The following RBFOX1 variants were observed in gnomAD, a reference collection of about 807,000 sequenced individuals.
RBFOX1 encodes RNA binding fox-1 homolog 1, also known as RNA binding protein fox-1 homolog 1.
A neutral mutation model predicts 57.7 loss-of-function variants in RBFOX1; 8 were observed. The ratio of observed to expected loss-of-function variants is 0.14; its 90% CI spans 0.08 to 0.25. The LOEUF is 0.25. RBFOX1 is among the 10% of genes least tolerant of loss of function. The pLI is 1.00. For synonymous variants in RBFOX1, 326 were observed against 222.4 expected, an observed-to-expected ratio of 1.47 and a Z score of -4.15; for missense variants, 611 against 548.5, an observed-to-expected ratio of 1.11 and a Z score of -1.14.
At chr16:6,812,460 A>T (rs910100792) in intron 3 of RBFOX1, among the ~76,000 whole-genome samples, 3 of 151,842 alleles carry the variant, frequency 2.0e-5, no homozygotes, top group Admixed American at 1.3e-4. Context: ...TGCAACCTCC[A>T]CCTCTAGGGT....
intron 11 of RBFOX1, among the ~76,000 whole-genome samples, chr16:7,651,628 G>A (rs985594007): frequency 2.8e-4 from 42 of 152,212 alleles, no homozygotes; most frequent in Non-Finnish European, 2.9e-5. Context: ...GGGAAGGGAA[G>A]AAGCTCTTCT....
chr16:6,131,831 A>G (rs112121133), intron 1 of RBFOX1, among the ~76,000 whole-genome samples: 5,693 of 152,222 alleles, frequency 0.037, 159 homozygotes, highest in Non-Finnish European at 0.051. Context: ...TGGTGGTAAC[A>G]CATTCTCCTG....
chr16:5,746,970 C>T (rs1461841325), intron 3 of RBFOX1, among the ~76,000 whole-genome samples: 9 of 152,204 alleles, frequency 5.9e-5, no homozygotes, highest in African/African-American at 2.2e-4. Context: ...GAACTTCCAA[C>T]ACTATGTTGA....
chr16:7,314,333 G>C (rs1168304226), intron 4 of RBFOX1, among the ~76,000 whole-genome samples: 1 of 152,122 alleles, frequency 6.6e-6, no homozygotes, highest in Non-Finnish European at 1.5e-5. Context: ...TGTTCATAAC[G>C]GAATTTCAGG....
At chr16:5,520,208 G>A (rs2043959869) in intron 2 of RBFOX1, among the ~76,000 whole-genome samples, 2 of 152,294 alleles carry the variant, frequency 1.3e-5, no homozygotes, top group South Asian at 4.2e-4. Context: ...GACAGGAAAG[G>A]GAGAGTGTGG....
chr16:7,440,548 G>A lies in RBFOX1; in HGVS notation c.28-77599G>A, dbSNP rs186526848. Reference sequence around the variant, plus strand: ...GAGCTGGGTCAGTGAATCCTCAGGCGTATAGGCAATTAGGACTTAGAGATC... The same window carrying A: ...GAGCTGGGTCAGTGAATCCTCAGGCATATAGGCAATTAGGACTTAGAGATC... On this transcript the variant is annotated intron_variant, in intron 4 of 15. Transcript: ENST00000550418. Among the ~76,000 whole-genome samples, 248 of 148,146 alleles carry A rather than the reference G, an allele frequency of 1.7e-3. 1 individual carries two copies. The highest frequency in any genetic ancestry group is 2.4e-3 in the Non-Finnish European group (162 of 67,992).
intron 1 of RBFOX1, among the ~76,000 whole-genome samples, chr16:5,322,096 A>T (rs1191094937): frequency 6.6e-6 from 1 of 152,188 alleles, no homozygotes; most frequent in Non-Finnish European, 1.5e-5. Flanking sequence ...CCGGGACCTG[A>T]ACCCTGACGC....
intron 4 of RBFOX1, among the ~76,000 whole-genome samples, chr16:7,453,610 A>C (rs1259476831): frequency 6.6e-6 from 1 of 152,180 alleles, no homozygotes; most frequent in East Asian, 1.9e-4. Context: ...CACTGTATAT[A>C]GTTTCATACA....
At position 6,954,948 on chromosome 16, in the gene RBFOX1, A is replaced by G. The variant is rs189844995; in HGVS notation, c.-15-97109A>G. 7.2e-5 allele frequency among the ~76,000 whole-genome samples: 11 copies of G among 152,162 alleles called. No homozygotes were observed. In the East Asian group the frequency reaches 1.9e-3, roughly 27 times the overall value. ...ATTTTAGGCATCAAATTTAATATGA[A>G]GGCTGGGTGTGGTGGCTCGTGCCCA... is the stretch of plus-strand genomic sequence containing the variant. On this transcript the variant is annotated intron_variant, in intron 3 of 15. Transcript: ENST00000550418.
chr16:5,842,291 T>C (rs1273965882), intron 3 of RBFOX1, among the ~76,000 whole-genome samples: 2 of 152,110 alleles, frequency 1.3e-5, no homozygotes, highest in Non-Finnish European at 2.9e-5. Flanking sequence ...TAAGCAATAA[T>C]TTAACATTGT....
At chr16:6,181,007 T>G (rs1210339278) in intron 1 of RBFOX1, among the ~76,000 whole-genome samples, 1 of 152,172 alleles carries the variant, frequency 6.6e-6, no homozygotes. Context: ...TTTGTGTGTA[T>G]GTGGAGGTGT....
At chr16:6,768,619 G>T (rs558682186) in intron 3 of RBFOX1, among the ~76,000 whole-genome samples, 1 of 150,968 alleles carries the variant, frequency 6.6e-6, no homozygotes, top group Non-Finnish European at 1.5e-5. Context: ...ATATGATTTG[G>T]TTTAAATATC....
chr16:5,753,156 T>A (rs2053271616), intron 3 of RBFOX1, among the ~76,000 whole-genome samples: 2 of 151,394 alleles, frequency 1.3e-5, no homozygotes, highest in South Asian at 4.2e-4. Context: ...CAAAACCTTG[T>A]CTTAAAAAAA....
chr16:7,062,588 G>C (rs765721720), intron 4 of RBFOX1, among the ~76,000 whole-genome samples: 1 of 152,122 alleles, frequency 6.6e-6, no homozygotes, highest in Non-Finnish European at 1.5e-5. Flanking sequence ...CAGTCTTGGA[G>C]AGAGGATAAA....
At chr16:5,281,796 C>A (rs1251012626) in intron 1 of RBFOX1, among the ~76,000 whole-genome samples, 1 of 152,204 alleles carries the variant, frequency 6.6e-6, no homozygotes, top group African/African-American at 2.4e-5. Context: ...AATCCCTTCA[C>A]TTTCAGTCTG....
intron 4 of RBFOX1, among the ~76,000 whole-genome samples, chr16:7,461,157 A>G (rs1048263462): frequency 4.6e-5 from 7 of 151,624 alleles, no homozygotes; most frequent in Admixed American, 2.0e-4. Context: ...CTGAGGATGA[A>G]AAAACAAAGG....
intron 3 of RBFOX1, among the ~76,000 whole-genome samples, chr16:5,861,000 A>T (rs993428635): frequency 6.6e-6 from 1 of 152,212 alleles, no homozygotes; most frequent in African/African-American, 2.4e-5. Context: ...GGCTAAAGGG[A>T]TACCAAAGAG....
rs984690648 is a variant in RBFOX1, at chr16:7,712,864, G to A, written c.*2119G>A. 2.0e-5 allele frequency: 3 copies of A among 152,142 alleles called. No homozygotes were observed. Among genetic ancestry groups the A allele is most frequent in the Non-Finnish European group, 4.4e-5 (3 of 68,030 alleles). The allele number at this position is 152,142 out of a possible 1,614,324, so 9.4% of individuals were successfully genotyped here. On this transcript the variant is annotated 3_prime_UTR_variant, in exon 16 of 16. Transcript: ENST00000550418. ...AAATCCAGAATTTGTATTGTGTTTC[G>A]AATCACAAACATAGAATTCTTACTG...
intron 1 of RBFOX1, among the ~76,000 whole-genome samples, chr16:6,130,565 A>G (rs938472034): frequency 1.3e-5 from 2 of 152,176 alleles, no homozygotes; most frequent in African/African-American, 4.8e-5. Context: ...TAAACACTCC[A>G]CTTAAAGAGC....
Sources: allele counts gnomAD v4.1 joint callset (sites outside exome capture counted in the v4.1 genomes callset), GRCh38; gene constraint gnomAD v4.1.1; transcripts MANE v1.5; gene names NCBI Gene and HGNC (gene_info 2026-07-23, HGNC 2026-07-21).